The following LAMA1 variants were observed in gnomAD, a reference collection of about 807,000 sequenced individuals.
LAMA1 encodes the protein laminin subunit alpha-1.
A neutral mutation model predicts 348.7 loss-of-function variants in LAMA1; 219 were observed. The ratio of observed to expected loss-of-function variants is 0.63; its 90% CI spans 0.56 to 0.70. The LOEUF is 0.70. LAMA1 is among the 30% of genes least tolerant of loss of function. The pLI is 0.00. For missense variants in LAMA1, 3,744 were observed against 3,888.0 expected (o/e 0.96, Z 0.99); for synonymous variants, 1,487 against 1,491.0 (o/e 1.00, Z 0.06).
intron 19 of LAMA1, among the ~76,000 whole-genome samples, chr18:7,018,863 G>T (rs769583060): frequency 6.6e-6 from 1 of 152,148 alleles, no homozygotes; most frequent in Non-Finnish European, 1.5e-5. Flanking sequence ...GGAAGGTCAG[G>T]GGCAGAGGAA....
In LAMA1 at chr18:7,080,033, G is replaced by A; in HGVS notation, c.287C>T (p.Pro96Leu). 6.2e-7 allele frequency: 1 copy of A among 1,614,128 alleles called. No individual in the cohort carries two copies. Among genetic ancestry groups the A allele is most frequent in the Non-Finnish European group, 8.5e-7 (1 of 1,180,004 alleles). The change falls in exon 3 of 63, where the codon CCC becomes CTC. Residue 96 changes from proline (P) to leucine (L), a missense_variant. Around this residue, in one of 3 missense-constraint regions of LAMA1, gnomAD observed 1,529 missense variants for 1,689.4 expected, o/e 0.91. Transcript: ENST00000389658. ...IDGTNNWWQS[P>L]SIQNGREYHW... is the part of the protein sequence containing the mutation. ...ATATTCTCTCCCATTCTGAATGCTG[G>A]GACTTTGCCACCAGTTATTGGTGCC... is the stretch of plus-strand genomic sequence containing the variant.
intron 61 of LAMA1, among the ~76,000 whole-genome samples, chr18:6,946,365 C>T (rs769622421): frequency 1.3e-5 from 2 of 152,174 alleles, no homozygotes; most frequent in East Asian, 1.9e-4. Context: ...ATTAGGGGTA[C>T]AGGAGTTGGG....
At chr18:6,948,992 A>T in intron 59 of LAMA1, 109 bp downstream of exon 59, 1 of 1,396,384 alleles carries the variant, frequency 7.2e-7, no homozygotes, top group Non-Finnish European at 1.0e-6. Flanking sequence ...CACAAGCCCC[A>T]GGTTCAAACA....
At chr18:6,950,673 G>T in intron 58 of LAMA1, 109 bp downstream of exon 58, 1 of 1,258,422 alleles carries the variant, frequency 7.9e-7, no homozygotes, top group Non-Finnish European at 1.1e-6. Flanking sequence ...GACACACACG[G>T]CGAGATAGAG....
At chr18:7,075,894 G>A (rs1015560775) in intron 3 of LAMA1, among the ~76,000 whole-genome samples, 19 of 151,438 alleles carry the variant, frequency 1.3e-4, no homozygotes, top group Admixed American at 2.0e-4. Context: ...CCGAGATCAC[G>A]CCAATGCACT....
chr18:6,961,631 G>A lies in LAMA1; in HGVS notation c.7581C>T (p.Leu2527=), dbSNP rs775084105. ...CACCCCGCTTCTCCACATCCCCGCC[G>A]AGGGCAGCCAGGATGATGCCACTGC... ...TNSSGIILAA[L]GGDVEKRGDR... is the part of the protein sequence containing the mutation. The change falls in exon 53 of 63, where the codon CTC becomes CTT. Residue 2527 remains leucine (L), a synonymous_variant. Transcript: ENST00000389658. 26 of 1,613,898 alleles carry A rather than the reference G, an allele frequency of 1.6e-5. No individual in the cohort carries two copies. Among genetic ancestry groups the A allele is most frequent in the African/African-American group, 1.3e-4 (10 of 74,886 alleles).
Position 7,010,289 on chromosome 18 carries a change from C to T in LAMA1, c.3784G>A (p.Gly1262Ser). Reference sequence around the variant, plus strand: ...ATGACTTGCTTTCTGATCCGACCACCTTTGATGAGAACTTGAGGCTCAAAA... The same window carrying T: ...ATGACTTGCTTTCTGATCCGACCACTTTTGATGAGAACTTGAGGCTCAAAA... ...SNFEPQVLIK[G>S]GRIRKQVIYM... is the part of the protein sequence containing the mutation. Residue 1262 changes from glycine (G) to serine (S), a missense_variant, in exon 26 of 63, where the codon GGT becomes AGT. This residue lies in a region of LAMA1 where 1,529 missense variants were observed against 1,689.4 expected (regional missense o/e 0.91). Coordinates refer to ENST00000389658, the MANE Select transcript of LAMA1 (RefSeq NM_005559.4). The T allele has an allele frequency of 6.2e-7, 1 of 1,614,162 alleles. No homozygotes were observed. The highest frequency in any genetic ancestry group is 8.5e-7 in the Non-Finnish European group (1 of 1,180,042).
At chr18:6,980,351 T>G (rs1358839181) in intron 42 of LAMA1, among the ~76,000 whole-genome samples, 170 bp downstream of exon 42, 2 of 152,242 alleles carry the variant, frequency 1.3e-5, no homozygotes, top group Non-Finnish European at 2.9e-5. Context: ...TAAAAACCAA[T>G]GATTTTCATT....
chr18:6,994,153 C>T (rs1167327665), intron 34 of LAMA1, among the ~76,000 whole-genome samples: 4 of 146,616 alleles, frequency 2.7e-5, no homozygotes, highest in Non-Finnish European at 6.0e-5. Flanking sequence ...GTTAAGAACA[C>T]GGAGTCAGGC....
chr18:7,009,207 A>T, intron 27 of LAMA1, 32 bp downstream of exon 27: 1 of 1,613,806 alleles, frequency 6.2e-7, no homozygotes, highest in Non-Finnish European at 8.5e-7. Flanking sequence ...AAATATGAAA[A>T]TAACGGTCAA....
At chr18:6,951,623 A>G (rs1428060490) in intron 57 of LAMA1, among the ~76,000 whole-genome samples, 1 of 151,090 alleles carries the variant, frequency 6.6e-6, no homozygotes, top group African/African-American at 2.4e-5. Context: ...AATTCCTTTA[A>G]GAGATCCTCT....
intron 3 of LAMA1, among the ~76,000 whole-genome samples, chr18:7,078,187 GAC>G (rs1394480513): frequency 9.0e-6 from 1 of 111,692 alleles, no homozygotes; most frequent in East Asian, 3.0e-4. Flanking sequence ...TTTTTTTTGA[GAC>G]AGAGTCTCGC....
At chr18:6,985,094 A>C (rs1235709228) in intron 39 of LAMA1, 143 bp downstream of exon 39, 2 of 980,742 alleles carry the variant, frequency 2.0e-6, no homozygotes, top group Non-Finnish European at 3.2e-6. Context: ...ACACAAGGAA[A>C]TCCAACTTGC....
intron 23 of LAMA1, 112 bp from the exon 24 acceptor site, chr18:7,012,250 A>C: frequency 8.4e-7 from 1 of 1,188,498 alleles, no homozygotes; most frequent in Admixed American, 1.9e-5. Context: ...TTATAGATGC[A>C]CAAACATTAG....
In LAMA1 at chr18:7,007,281, G is replaced by T. The variant is rs1316689467; in HGVS notation, c.4123-5C>A. Reference sequence around the variant, plus strand: ...GTGGTACCCAGGGGCGCAGTCCTGAGGGGGTGCAAAAGGGAGGACAAAAAA... The same window carrying T: ...GTGGTACCCAGGGGCGCAGTCCTGATGGGGTGCAAAAGGGAGGACAAAAAA... On this transcript the variant is annotated splice_region_variant and splice_polypyrimidine_tract_variant and intron_variant, in intron 28 of 62. Transcript: ENST00000389658. 6.2e-7 allele frequency: 1 copy of T among 1,613,038 alleles called. No individual in the cohort carries two copies. Among genetic ancestry groups the T allele is most frequent in the Admixed American group, 1.7e-5 (1 of 59,962 alleles).
chr18:7,077,321 C>A (rs1454243549), intron 3 of LAMA1, among the ~76,000 whole-genome samples: 1 of 151,574 alleles, frequency 6.6e-6, no homozygotes, highest in Non-Finnish European at 1.5e-5. Flanking sequence ...CCTGCCTCAG[C>A]CTCCCGAGTA....
intron 2 of LAMA1, 77 bp downstream of exon 2, chr18:7,080,210 C>G (rs1172763745): frequency 1.2e-6 from 2 of 1,601,780 alleles, no homozygotes; most frequent in African/African-American, 2.7e-5. Context: ...TTATGGCTTC[C>G]TAACAGAAGT....
chr18:7,023,093 CAT>C lies in LAMA1; in HGVS notation c.2701+69_2701+70del, dbSNP rs113057590. On this transcript the variant is annotated intron_variant, in intron 19 of 62. Coordinates refer to ENST00000389658, the MANE Select transcript of LAMA1 (RefSeq NM_005559.4). ...CTCCTAGGCGGGGCCCTGTGTGACA[CAT>C]GTGACTATACGGTTGAAGACTTCCT... 2.0e-3 allele frequency: 2,992 copies of C among 1,511,656 alleles called. 43 individuals are homozygous for C. In the African/African-American group the frequency reaches 0.036, roughly 18 times the overall value. The allele number at this position is 1,511,656 out of a possible 1,614,324, so 93.6% of individuals were successfully genotyped here. A position where few individuals can be genotyped will look rare whatever the true frequency, so the allele number is the denominator to read the frequency against.
rs577977473 is a variant in LAMA1, at chr18:7,009,256, T to C, written c.3984A>G (p.Gln1328=). 2 of 1,614,126 alleles carry C rather than the reference T, an allele frequency of 1.2e-6. No individual in the cohort carries two copies. Among genetic ancestry groups the C allele is most frequent in the African/African-American group, 1.3e-5 (1 of 75,046 alleles). ...CCAAGTACCTGCTCTGCTGTAATCC[T>C]TGACCATACGATGCCTTGATGAGGA... ...EYILIKASYG[Q]GLQQSRISDI... Residue 1328 remains glutamine, a synonymous_variant, in exon 27 of 63, where the codon CAA becomes CAG. Transcript: ENST00000389658.
Sources: gnomAD v4.1 joint callset for allele counts (sites outside exome capture counted in the v4.1 genomes callset) on GRCh38, gnomAD v4.1.1 for gene constraint, gnomAD v4.1.1 regional missense constraint, MANE v1.5 for transcripts, NCBI Gene and HGNC (gene_info 2026-07-23, HGNC 2026-07-21) for gene names.